The following STARD13 variants were observed in gnomAD, a reference collection of about 807,000 sequenced individuals.
STARD13 encodes stAR-related lipid transfer protein 13.
Under a neutral mutation model 106.4 loss-of-function variants are expected in STARD13, and 62 were observed. The ratio of observed to expected loss-of-function variants is 0.58; its 90% CI spans 0.48 to 0.72. The LOEUF (loss-of-function observed/expected upper bound fraction) is 0.72. STARD13 is among the 30% of genes least tolerant of loss of function. The pLI is 0.00. For missense variants in STARD13, 1,387 were observed against 1,424.0 expected, an observed-to-expected ratio of 0.97 and a Z score of 0.42; for synonymous variants, 565 against 553.0, an observed-to-expected ratio of 1.02 and a Z score of -0.31.
chr13:33,144,433 A>G (rs1201350664), intron 3 of STARD13, among the ~76,000 whole-genome samples: 1 of 152,240 alleles, frequency 6.6e-6, no homozygotes, highest in Non-Finnish European at 1.5e-5. Context: ...AGAGTCAGGC[A>G]TCAGCCTCCT....
the STARD13 span, among the ~76,000 whole-genome samples, chr13:33,394,341 C>A: frequency 1.2e-3 from 188 of 152,110 alleles, no homozygotes; most frequent in African/African-American, 4.2e-3. Context: ...TATATTTAGA[C>A]TAAAATAAAA....
At chr13:33,421,684 C>A in the STARD13 span, among the ~76,000 whole-genome samples, 3 of 152,096 alleles carry the variant, frequency 2.0e-5, no homozygotes, top group African/African-American at 4.8e-5. Context: ...AACATCGATG[C>A]GAAAATCCTC....
chr13:33,204,261 T>C (rs1375513603), intron 1 of STARD13, among the ~76,000 whole-genome samples: 1 of 152,186 alleles, frequency 6.6e-6, no homozygotes. Flanking sequence ...GATGATTCCT[T>C]CACATGCAGA....
chr13:33,343,588 A>AAAAAAAC (rs1555264014), intron 1 of STARD13, among the ~76,000 whole-genome samples: 1 of 97,284 alleles, frequency 1.0e-5, no homozygotes, highest in African/African-American at 4.5e-5. Flanking sequence ...AAAAAAAAAA[A>AAAAAAAC]AAAAAAAAAC....
the STARD13 span, among the ~76,000 whole-genome samples, chr13:33,580,532 A>G: frequency 6.6e-6 from 1 of 152,112 alleles, no homozygotes; most frequent in African/African-American, 2.4e-5. Context: ...GAACCTTAAT[A>G]TGAACTATGG....
chr13:33,437,623 T>A, the STARD13 span, among the ~76,000 whole-genome samples: 1 of 152,180 alleles, frequency 6.6e-6, no homozygotes, highest in Non-Finnish European at 1.5e-5. Flanking sequence ...ATGATTTAAT[T>A]TGAAAGATGA....
At chr13:33,338,858 C>G (rs1284903966) in intron 1 of STARD13, among the ~76,000 whole-genome samples, 1 of 140,962 alleles carries the variant, frequency 7.1e-6, no homozygotes, top group Admixed American at 7.6e-5. Flanking sequence ...GCACTCCAGC[C>G]TGGGCGACAG....
chr13:33,509,566 G>A, the STARD13 span, among the ~76,000 whole-genome samples: 1 of 152,146 alleles, frequency 6.6e-6, no homozygotes. Context: ...CAAGTGTGAG[G>A]CCCAAATGGC....
chr13:33,108,357 C>T (rs539136211), intron 12 of STARD13, among the ~76,000 whole-genome samples: 4 of 152,172 alleles, frequency 2.6e-5, no homozygotes, highest in Non-Finnish European at 5.9e-5. Flanking sequence ...CATTGTTAGC[C>T]CGTGGAGGGC....
At chr13:33,266,725 C>T (rs1890915092) in intron 1 of STARD13, among the ~76,000 whole-genome samples, 2 of 152,154 alleles carry the variant, frequency 1.3e-5, no homozygotes, top group Admixed American at 6.5e-5. Context: ...CTTCTAAGTG[C>T]CTGTTTTGAT....
chr13:33,464,988 C>T, the STARD13 span, among the ~76,000 whole-genome samples: 26 of 152,156 alleles, frequency 1.7e-4, no homozygotes, highest in Non-Finnish European at 1.6e-4. Flanking sequence ...AAAGCACAAC[C>T]TCAAGCCAAA....
Position 33,110,144 on chromosome 13 carries a change from C to A in STARD13, c.2830-54G>T, listed in dbSNP as rs1019629550. ...GAGGTTGTCTGGGATATGGGTCCAA[C>A]ATTTTTTGTTTGGGCTTTTAGTTTT... On this transcript the variant is annotated intron_variant, in intron 11 of 13. Transcript: ENST00000336934. 6 of 1,546,610 alleles carry A rather than the reference C, an allele frequency of 3.9e-6. No individual in the cohort carries two copies. In the African/African-American group the frequency reaches 6.8e-5, roughly 18 times the overall value.
At chr13:33,125,160 G>A (rs532772) in intron 7 of STARD13, among the ~76,000 whole-genome samples, 45,608 of 152,066 alleles carry the variant, frequency 0.3, 8,100 homozygotes, top group Non-Finnish European at 0.41. Context: ...TCACTAGCCA[G>A]CTCATTCCTG....
the STARD13 span, among the ~76,000 whole-genome samples, chr13:33,524,898 A>G: frequency 2.0e-5 from 3 of 152,118 alleles, no homozygotes; most frequent in Admixed American, 1.3e-4. Context: ...TCAAGTATGC[A>G]GTATATTAGT....
At chr13:33,419,721 C>T in the STARD13 span, among the ~76,000 whole-genome samples, 1 of 152,208 alleles carries the variant, frequency 6.6e-6, no homozygotes, top group Non-Finnish European at 1.5e-5. Flanking sequence ...GGTCGGGTTA[C>T]CCCCAAAGGG....
At chr13:33,299,492 T>C (rs2138458911) in intron 1 of STARD13, among the ~76,000 whole-genome samples, 1 of 150,204 alleles carries the variant, frequency 6.7e-6, no homozygotes, top group Non-Finnish European at 1.5e-5. Context: ...CATTATTCTT[T>C]TCTCAGGATG....
At chr13:33,179,721 C>A (rs556743188) in intron 1 of STARD13, among the ~76,000 whole-genome samples, 1 of 152,268 alleles carries the variant, frequency 6.6e-6, no homozygotes, top group South Asian at 2.1e-4. Context: ...CAGGCACTAC[C>A]ACAACCAAAG....
intron 12 of STARD13, among the ~76,000 whole-genome samples, chr13:33,107,263 C>A (rs1873888260): frequency 6.6e-6 from 1 of 152,226 alleles, no homozygotes; most frequent in Non-Finnish European, 1.5e-5. Context: ...TTAGAACTCA[C>A]TCATTCGATT....
the STARD13 span, among the ~76,000 whole-genome samples, chr13:33,606,788 G>A: frequency 3.9e-5 from 6 of 152,190 alleles, no homozygotes; most frequent in Non-Finnish European, 7.3e-5. Context: ...AAATCCAGGC[G>A]ATGGCAGAGC....
Sources: gnomAD v4.1 joint callset for allele counts (sites outside exome capture counted in the v4.1 genomes callset) on GRCh38, gnomAD v4.1.1 for gene constraint, MANE v1.5 for transcripts, NCBI Gene and HGNC (gene_info 2026-07-23, HGNC 2026-07-21) for gene names.